Variants in MPO observed in about 807,000 individuals in gnomAD.
MPO encodes myeloperoxidase.
MPO carries 57 observed loss-of-function variants against 69.4 expected under a neutral mutation model. The ratio of observed to expected loss-of-function variants is 0.82; its 90% confidence interval spans 0.66 to 1.02. MPO has a LOEUF of 1.02. MPO is among the 50% of genes least tolerant of loss of function. The probability of loss-of-function intolerance (pLI) is 0.00; values close to 1 mark genes in which losing one functional copy is unlikely to be tolerated. For missense variants in MPO, 971 were observed against 1,014.1 expected, an observed-to-expected ratio of 0.96 and a Z score of 0.58; for synonymous variants, 426 against 417.1, an observed-to-expected ratio of 1.02 and a Z score of -0.26.
At chr17:58,273,065 A>C in intron 9 of MPO, 147 bp from the exon 10 acceptor site, 1 of 996,752 alleles carries the variant, frequency 1.0e-6, no homozygotes, top group Non-Finnish European at 1.5e-6. Flanking sequence ...TGGTGGCCCC[A>C]GTGAGCAGGT....
At position 58,270,946 on chromosome 17, in the gene MPO, A is replaced by AT; in HGVS notation, c.2031-84dup. The AT allele has an allele frequency of 1.3e-6, 2 of 1,510,100 alleles. No homozygotes were observed. The highest frequency in any genetic ancestry group is 1.8e-6 in the Non-Finnish European group (2 of 1,092,230). 93.5% of individuals were successfully genotyped at this position (1,510,100 alleles called of 1,614,324 possible). On this transcript the variant is annotated intron_variant, in intron 11 of 11. Transcript: ENST00000225275. This position sits in a 1 kb window ranked among gnomAD's most constrained non-coding sequence, Gnocchi z 4.1. ...TCGATGGGCTTGTGCTGCTCCCAGG[A>AT]TATAACAAAGCCACAACAAATGCCA...
intron 7 of MPO, among the ~76,000 whole-genome samples, chr17:58,277,345 G>C (rs1208290941): frequency 6.6e-6 from 1 of 152,198 alleles, no homozygotes; most frequent in African/African-American, 2.4e-5. Context: ...TAAGGCAATT[G>C]AGCATTTGAA....
Position 58,277,908 on chromosome 17 carries a change from C to T in MPO, c.1123G>A (p.Ala375Thr). Residue 375 changes from alanine to threonine, a missense_variant, in exon 7 of 12, where the codon GCC (alanine) becomes ACC (threonine). Physicochemically the swap from Ala to Thr is moderately conservative, Grantham distance 58 (BLOSUM62 0). Coordinates refer to ENST00000225275, the MANE Select transcript of MPO (RefSeq NM_000250.2). Reference protein sequence around the residue: ...VNQRFQDNGRALLPFDNLHDD... With the variant: ...VNQRFQDNGRTLLPFDNLHDD... The stretch of plus-strand genomic sequence containing the variant: ...TGCAGGTTGTCAAAGGGCAGCAGGG[C>T]CCGGCCGTTGTCTTGGAAGCGCTGG... 6.2e-7 allele frequency: 1 copy of T among 1,611,800 alleles called. No homozygotes were observed. Among genetic ancestry groups the T allele is most frequent in the Non-Finnish European group, 8.5e-7 (1 of 1,180,036 alleles).
rs768262537 is a variant in MPO at position 58,273,460 on chromosome 17, G to T, written c.1575C>A (p.Val525=). 1.5e-5 allele frequency: 25 copies of T among 1,614,116 alleles called. No individual in the cohort carries two copies. Among genetic ancestry groups the T allele is most frequent in the Non-Finnish European group, 2.0e-5 (24 of 1,180,056 alleles). ...AGGCAAAAAAGACCCTGCTGAGGGG[G>T]ACACGGGGGTTGGGTTCCATGGGCT... ...RYQPMEPNPR[V]PLSRVFFASW... The change falls in exon 9 of 12, where the codon GTC becomes GTA. Residue 525 remains valine, a synonymous_variant. Coordinates refer to ENST00000225275, the MANE Select transcript of MPO (RefSeq NM_000250.2).
At position 58,271,668 on chromosome 17, in the gene MPO, G is replaced by C. The variant is rs145497027; in HGVS notation, c.2017C>G (p.Arg673Gly). ...CIIGTQFRKL[R>G]DGDRFWWENE... ...GCCCCTCCTCACCGATCACCATCCC[G>C]GAGCTTCCTGAACTGGGTACCGATG... The change falls in exon 11 of 12, where the codon CGG (arginine) becomes GGG (glycine). Residue 673 changes from arginine (R) to glycine (G), a missense_variant. By Grantham distance (125) the Arg-to-Gly change is moderately radical (BLOSUM62 -2). Coordinates refer to ENST00000225275, the MANE Select transcript of MPO (RefSeq NM_000250.2). 1 of 1,613,824 alleles carries C rather than the reference G, an allele frequency of 6.2e-7. No individual in the cohort carries two copies. The highest frequency in any genetic ancestry group is 8.5e-7 in the Non-Finnish European group (1 of 1,180,018).
At chr17:58,272,163 G>A (rs1445331727) in intron 10 of MPO, among the ~76,000 whole-genome samples, 1 of 152,294 alleles carries the variant, frequency 6.6e-6, no homozygotes, top group South Asian at 2.1e-4. Context: ...AACTGCCACA[G>A]TTCCTGCTGG....
chr17:58,280,864 C>G lies in MPO; in HGVS notation c.-106G>C. The G allele has an allele frequency of 7.4e-7, 1 of 1,346,610 alleles. No individual in the cohort carries two copies. The highest frequency in any genetic ancestry group is 1.3e-5 in the South Asian group (1 of 75,208). 83.4% of individuals were successfully genotyped at this position (1,346,610 alleles called of 1,614,324 possible). ...CTCCTTGAGGGAGGGGCTCACTGCTCTCTTATCCCCTTGCCAGCTGCTGTC... is the reference window on the plus strand; with the variant it reads ...CTCCTTGAGGGAGGGGCTCACTGCTGTCTTATCCCCTTGCCAGCTGCTGTC... On this transcript the variant is annotated 5_prime_UTR_variant, in exon 1 of 12. Coordinates refer to ENST00000225275, the MANE Select transcript of MPO (RefSeq NM_000250.2).
In MPO at chr17:58,271,875, G is replaced by A. The variant is rs35670089; in HGVS notation, c.1810C>T (p.Arg604Cys). ...TCAGGCTGCGGGAGCCCACAGAAGC[G>A]CCTCCAGGCATTGTATCCTGCATGG... is the stretch of plus-strand genomic sequence containing the variant. ...HGLPGYNAWR[R>C]FCGLPQPETV... is the part of the protein sequence containing the mutation. Residue 604 changes from arginine to cysteine, a missense_variant, in exon 11 of 12, where the codon CGC becomes TGC. By Grantham distance (180) the Arg-to-Cys change is radical. Coordinates refer to ENST00000225275, the MANE Select transcript of MPO (RefSeq NM_000250.2). The A allele has an allele frequency of 1.8e-4, 290 of 1,614,034 alleles. 1 individual carries two copies. The East Asian group carries it at 4.5e-3, about 25-fold the overall frequency.
rs762037118 is a variant in MPO at position 58,279,345 on chromosome 17, G to C, written c.630C>G (p.Pro210=). ...GCTTGACCCCGGGCGTCCAGCCGTA[G>C]GGAAGAGAGAAGCCGTCCTCATACT... The part of the protein sequence containing the change: ...PAEYEDGFSL[P]YGWTPGVKRN... The change falls in exon 5 of 12, where the codon CCC becomes CCG. Residue 210 remains proline (P), a synonymous_variant. Coordinates refer to ENST00000225275, the MANE Select transcript of MPO (RefSeq NM_000250.2). 4.4e-6 allele frequency: 7 copies of C among 1,583,130 alleles called. No homozygotes were observed. Among genetic ancestry groups the C allele is most frequent in the Non-Finnish European group, 6.0e-6 (7 of 1,164,680 alleles).
At chr17:58,277,556 G>A (rs922662084) in intron 7 of MPO, among the ~76,000 whole-genome samples, 1 of 152,228 alleles carries the variant, frequency 6.6e-6, no homozygotes, top group Non-Finnish European at 1.5e-5. Context: ...GGAAAAAAGG[G>A]ACAGAGAAAG....
rs913287805 is a variant in MPO at position 58,275,143 on chromosome 17, A to T, written c.1365+399T>A. On this transcript the variant is annotated intron_variant, in intron 8 of 11. Transcript: ENST00000225275. The surrounding 1 kb of genome is among the most constrained non-coding windows in gnomAD (Gnocchi z 4.1). The stretch of plus-strand genomic sequence containing the variant: ...CTCCCAAAGTGCTGGGATTACAGGC[A>T]TGAGCCACCGCGCCCAGCCCTATAA... Among the ~76,000 whole-genome samples, 1 of 152,130 alleles carries T rather than the reference A, an allele frequency of 6.6e-6. No homozygotes were observed. Among genetic ancestry groups the T allele is most frequent in the African/African-American group, 2.4e-5 (1 of 41,446 alleles).
rs375300978 is a variant in MPO, at chr17:58,280,357, G to T, written c.248+9C>A. The T allele has an allele frequency of 6.2e-6, 10 of 1,613,130 alleles. No homozygotes were observed. The highest frequency in any genetic ancestry group is 1.7e-5 in the Admixed American group (1 of 59,974). ...CTTGCCCAGAGCTGGGCAGTGCCTC[G>T]TGCCCCACCTTTCCCGCCGCTCCTT... is the stretch of plus-strand genomic sequence containing the variant. On this transcript the variant is annotated intron_variant, in intron 2 of 11. Coordinates refer to ENST00000225275, the MANE Select transcript of MPO (RefSeq NM_000250.2).
chr17:58,274,827 A>G (rs1970415570), intron 8 of MPO, among the ~76,000 whole-genome samples: 3 of 152,010 alleles, frequency 2.0e-5, no homozygotes, highest in South Asian at 4.2e-4. Flanking sequence ...ATCAAAAAAT[A>G]AAAATAAAAT....
Position 58,278,044 on chromosome 17 carries a change from C to G in MPO, c.987G>C (p.Gln329His), listed in dbSNP as rs1246839012. ...CPGSNITIRN[Q>H]INALTSFVDA... ...CCACGAAGGAAGTGAGCGCGTTGATCTGGTTGCGGATGGTGATGTTGCTCC... is the reference window on the plus strand; with the variant it reads ...CCACGAAGGAAGTGAGCGCGTTGATGTGGTTGCGGATGGTGATGTTGCTCC... The change falls in exon 7 of 12, where the codon CAG becomes CAC. Residue 329 changes from glutamine to histidine, a missense_variant. Coordinates refer to ENST00000225275, the MANE Select transcript of MPO (RefSeq NM_000250.2). 6.2e-7 allele frequency: 1 copy of G among 1,613,498 alleles called. No homozygotes were observed. Among genetic ancestry groups the G allele is most frequent in the Non-Finnish European group, 8.5e-7 (1 of 1,180,030 alleles).
At chr17:58,273,724 C>G in intron 8 of MPO, 55 bp from the exon 9 acceptor site, 1 of 1,613,228 alleles carries the variant, frequency 6.2e-7, no homozygotes, top group Non-Finnish European at 8.5e-7. Flanking sequence ...CAGCAAATGC[C>G]GCCTGGCAGC....
chr17:58,276,430 C>A (rs2143974926), intron 7 of MPO, among the ~76,000 whole-genome samples: 1 of 152,312 alleles, frequency 6.6e-6, no homozygotes, highest in East Asian at 1.9e-4. Context: ...CCCCCTGGTT[C>A]CCCTAGTCCT....
In MPO at chr17:58,273,782, C is replaced by G. The variant is rs1970400136; in HGVS notation, c.1366-113G>C. On this transcript the variant is annotated intron_variant, in intron 8 of 11. Coordinates refer to ENST00000225275, the MANE Select transcript of MPO (RefSeq NM_000250.2). ...CTGCTCTTGGCTTCGGGGACCCCTT[C>G]CATCCCTCTATGGTCAGGGAATAGC... 4.1e-6 allele frequency: 6 copies of G among 1,462,818 alleles called. 1 individual carries two copies. 90.6% of individuals were successfully genotyped at this position (1,462,818 alleles called of 1,614,324 possible).
intron 10 of MPO, among the ~76,000 whole-genome samples, chr17:58,272,230 TCTGACC>T (rs1226105001): frequency 6.6e-6 from 1 of 152,210 alleles, no homozygotes; most frequent in Non-Finnish European, 1.5e-5. Flanking sequence ...TGTGTCTGTC[TCTGACC>T]CATGAGAGGT....
chr17:58,275,895 C>T lies in MPO; in HGVS notation c.1205-193G>A, dbSNP rs1970431106. 1.3e-5 allele frequency among the ~76,000 whole-genome samples: 2 copies of T among 152,332 alleles called. No homozygotes were observed. The highest frequency in any genetic ancestry group is 2.9e-5 in the Non-Finnish European group (2 of 68,022). On this transcript the variant is annotated intron_variant, in intron 7 of 11. Coordinates refer to ENST00000225275, the MANE Select transcript of MPO (RefSeq NM_000250.2). The surrounding 1 kb of genome is among the most constrained non-coding windows in gnomAD (Gnocchi z 4.1). Reference sequence around the variant, plus strand: ...CTGATGCCCCAGTCCACAATGATAGCTTCTGCCTCAGCTCAGGGCCGCTGC... The same window carrying T: ...CTGATGCCCCAGTCCACAATGATAGTTTCTGCCTCAGCTCAGGGCCGCTGC...
Sources: gnomAD v4.1 joint callset for allele counts (sites outside exome capture counted in the v4.1 genomes callset) on GRCh38, gnomAD v4.1.1 for gene constraint, Gnocchi (gnomAD v3.1) non-coding constraint, MANE v1.5 for transcripts, NCBI Gene and HGNC (gene_info 2026-07-23, HGNC 2026-07-21) for gene names.